The following SLC7A5 variants were observed in gnomAD, a reference collection of about 807,000 sequenced individuals.
SLC7A5 encodes the protein large neutral amino acids transporter small subunit 1.
A neutral mutation model predicts 50.2 loss-of-function variants in SLC7A5; 23 were observed. The observed-to-expected ratio is 0.46, with a 90% CI of 0.33 to 0.65. The LOEUF is 0.65. Ranked by LOEUF, SLC7A5 falls within the 30% of genes least tolerant of loss-of-function variation. The pLI, the probability that SLC7A5 is intolerant of heterozygous loss-of-function variation, is 0.02. For missense variants in SLC7A5, 578 were observed against 684.4 expected (o/e 0.84, Z 1.73); for synonymous variants, 393 against 330.6 (o/e 1.19, Z -2.05).
intron 2 of SLC7A5, among the ~76,000 whole-genome samples, chr16:87,846,793 C>A (rs1317488159): frequency 2.6e-5 from 4 of 152,244 alleles, no homozygotes; most frequent in African/African-American, 9.6e-5. Flanking sequence ...CTTGCTGTCA[C>A]CCCCGGAGAA....
chr16:87,835,168 T>C (rs534910278), intron 8 of SLC7A5, among the ~76,000 whole-genome samples: 81 of 152,370 alleles, frequency 5.3e-4, no homozygotes, highest in Non-Finnish European at 1.0e-3. Context: ...GAATCCATAC[T>C]TGGACAGGGC....
At chr16:87,845,774 A>G (rs1834501630) in intron 2 of SLC7A5, among the ~76,000 whole-genome samples, 1 of 152,172 alleles carries the variant, frequency 6.6e-6, no homozygotes, top group South Asian at 2.1e-4. Context: ...AGCTTTTTCC[A>G]ACTCCACAGG....
In SLC7A5 at chr16:87,841,572, C is replaced by A. The variant is rs939891833; in HGVS notation, c.665-417G>T. On this transcript the variant is annotated intron_variant, in intron 2 of 9. Coordinates refer to ENST00000261622, the MANE Select transcript of SLC7A5 (RefSeq NM_003486.7). This position sits in a 1 kb window ranked among gnomAD's most constrained non-coding sequence, Gnocchi z 4.8. Reference sequence around the variant, plus strand: ...ATCCTGGCTACGGCAACAAGGAAGGCCCAGAGCCACTAGGGCCCTGCTTCT... The same window carrying A: ...ATCCTGGCTACGGCAACAAGGAAGGACCAGAGCCACTAGGGCCCTGCTTCT... Among the ~76,000 whole-genome samples, 1 of 152,238 alleles carries A rather than the reference C, an allele frequency of 6.6e-6. No homozygotes were observed. The highest frequency in any genetic ancestry group is 6.5e-5 in the Admixed American group (1 of 15,280).
intron 1 of SLC7A5, among the ~76,000 whole-genome samples, chr16:87,866,888 G>A (rs1425770713): frequency 2.6e-5 from 4 of 151,898 alleles, no homozygotes; most frequent in African/African-American, 9.7e-5. Flanking sequence ...CATTTCCCAC[G>A]ACTCACTCCT....
intron 1 of SLC7A5, among the ~76,000 whole-genome samples, chr16:87,866,103 GC>G (rs1430680666): frequency 6.6e-6 from 1 of 152,116 alleles, no homozygotes; most frequent in Non-Finnish European, 1.5e-5. Context: ...CTATGGGGGG[GC>G]GGGGGTGCGG....
At position 87,834,523 on chromosome 16, in the gene SLC7A5, C is replaced by T; in HGVS notation, c.1359G>A (p.Lys453=). The T allele has an allele frequency of 8.1e-6, 13 of 1,597,658 alleles. No individual in the cohort carries two copies. The highest frequency in any genetic ancestry group is 1.0e-5 in the Non-Finnish European group (12 of 1,173,538). The part of the protein sequence containing the change: ...CLFLIAVSFW[K]TPVECGIGFT... ...AGCCGATGCCACACTCCACGGGTGT[C>T]TTCCAGAAGGAGACGGCGATCAGGA... Residue 453 remains lysine (K), a synonymous_variant, in exon 9 of 10, where the codon AAG becomes AAA. Transcript: ENST00000261622.
Position 87,869,071 on chromosome 16 carries a change from C to A in SLC7A5, c.352G>T (p.Ala118Ser). The A allele has an allele frequency of 6.2e-7, 1 of 1,611,890 alleles. No homozygotes were observed. The highest frequency in any genetic ancestry group is 8.5e-7 in the Non-Finnish European group (1 of 1,179,804). Reference sequence around the variant, plus strand: ...GAGCCGTAGACCTCCAGCATGTAGGCGTAGTCGCCGCCCGATTTGGAGATG... The same window carrying A: ...GAGCCGTAGACCTCCAGCATGTAGGAGTAGTCGCCGCCCGATTTGGAGATG... ...TTISKSGGDYAYMLEVYGSLP... is the reference protein window; with the variant it reads ...TTISKSGGDYSYMLEVYGSLP... The change falls in exon 1 of 10, where the codon GCC (alanine) becomes TCC (serine). Residue 118 changes from alanine (A) to serine (S), a missense_variant. Physicochemically the swap from Ala to Ser is moderately conservative, Grantham distance 99. This residue lies in a region of SLC7A5 where 465 missense variants were observed against 594.6 expected (regional missense o/e 0.78). Coordinates refer to ENST00000261622, the MANE Select transcript of SLC7A5 (RefSeq NM_003486.7).
rs372601345 is a variant in SLC7A5 at position 87,861,200 on chromosome 16, G to C, written c.538+7685C>G. Among the ~76,000 whole-genome samples the C allele has an allele frequency of 9.8e-5, 15 of 152,298 alleles. No individual in the cohort carries two copies. In the East Asian group the frequency reaches 1.5e-3, roughly 16 times the overall value. ...TGCTCCAGGGAGGGCCAGGCCTACT[G>C]GGGGGCAGAACCCTGTGGCTGTCCA... On this transcript the variant is annotated intron_variant, in intron 1 of 9. Transcript: ENST00000261622. This position sits in a 1 kb window ranked among gnomAD's most constrained non-coding sequence, Gnocchi z 4.2.
intron 1 of SLC7A5, among the ~76,000 whole-genome samples, chr16:87,855,955 C>T (rs1283728705): frequency 2.6e-5 from 4 of 152,324 alleles, no homozygotes; most frequent in Non-Finnish European, 1.5e-5. Context: ...GCTCCCTGGG[C>T]CGCCGGTCCT....
chr16:87,849,905 G>A (rs1433463826), intron 2 of SLC7A5, among the ~76,000 whole-genome samples: 2 of 152,146 alleles, frequency 1.3e-5, no homozygotes, highest in African/African-American at 2.4e-5. Flanking sequence ...GAGCCACCTG[G>A]GAATCAAGTG....
At chr16:87,834,992 G>A (rs1426721291) in intron 8 of SLC7A5, among the ~76,000 whole-genome samples, 3 of 152,236 alleles carry the variant, frequency 2.0e-5, no homozygotes, top group African/African-American at 7.2e-5. Flanking sequence ...TCTTGGAGAC[G>A]CCGCTGTGGA....
At position 87,868,929 on chromosome 16, in the gene SLC7A5, G is replaced by A. The variant is rs771592683; in HGVS notation, c.494C>T (p.Pro165Leu). 6.2e-7 allele frequency: 1 copy of A among 1,610,150 alleles called. No homozygotes were observed. Among genetic ancestry groups the A allele is most frequent in the South Asian group, 1.1e-5 (1 of 90,844 alleles). ...GAGCTTGGCTGCCTCCTCGGGCACC[G>A]GGCAGGTGGGGAAGAGCGGCTTGAG... ...YLLKPLFPTCPVPEEAAKLVA... is the reference protein window; with the variant it reads ...YLLKPLFPTCLVPEEAAKLVA... The change falls in exon 1 of 10, where the codon CCG becomes CTG. Residue 165 changes from proline (P) to leucine (L), a missense_variant. Physicochemically the swap from Pro to Leu is moderately conservative, Grantham distance 98 (BLOSUM62 -3). Around this residue, in one of 2 missense-constraint regions of SLC7A5, gnomAD observed 465 missense variants for 594.6 expected, o/e 0.78. Transcript: ENST00000261622.
chr16:87,859,061 G>A, intron 1 of SLC7A5, among the ~76,000 whole-genome samples: 1 of 152,224 alleles, frequency 6.6e-6, no homozygotes. Context: ...CCCCTCACCT[G>A]TCAGGGATGT....
Position 87,851,688 on chromosome 16 carries a change from G to A in SLC7A5, c.664+36C>T, listed in dbSNP as rs199601483. On this transcript the variant is annotated intron_variant, in intron 2 of 9. Transcript: ENST00000261622. ...GTGAAGGACACACAGGCAAAGCCTC[G>A]AGGGGCCGCCGGTGGGGCCTGGGGG... The A allele has an allele frequency of 1.3e-3, 2,145 of 1,602,998 alleles. 2 individuals carry two copies. The highest frequency in any genetic ancestry group is 1.6e-3 in the Non-Finnish European group (1,850 of 1,172,088).
chr16:87,860,383 CACACACACACA>C lies in SLC7A5; in HGVS notation c.538+8491_538+8501del, dbSNP rs2055380101. On this transcript the variant is annotated intron_variant, in intron 1 of 9. Coordinates refer to ENST00000261622, the MANE Select transcript of SLC7A5 (RefSeq NM_003486.7). The surrounding 1 kb of genome is among the most constrained non-coding windows in gnomAD (Gnocchi z 4.8). ...ACACACACACACACACACACACACA[CACACACACACA>C]CACACATATATATATAAAGAAAAAG... Among the ~76,000 whole-genome samples the C allele has an allele frequency of 7.4e-6, 1 of 134,656 alleles. No individual in the cohort carries two copies. 88.3% of individuals were successfully genotyped at this position (134,656 alleles called of 152,430 possible). A position where few individuals can be genotyped will look rare whatever the true frequency, so the allele number is the denominator to read the frequency against.
In SLC7A5 at chr16:87,861,188, G is replaced by A. The variant is rs527677908; in HGVS notation, c.538+7697C>T. 6.6e-6 allele frequency among the ~76,000 whole-genome samples: 1 copy of A among 152,192 alleles called. No individual in the cohort carries two copies. The highest frequency in any genetic ancestry group is 2.4e-5 in the African/African-American group (1 of 41,456). On this transcript the variant is annotated intron_variant, in intron 1 of 9. Coordinates refer to ENST00000261622, the MANE Select transcript of SLC7A5 (RefSeq NM_003486.7). The surrounding 1 kb of genome is among the most constrained non-coding windows in gnomAD (Gnocchi z 4.2). The stretch of plus-strand genomic sequence containing the variant: ...CTATCCAGGTGATGCTCCAGGGAGG[G>A]CCAGGCCTACTGGGGGGCAGAACCC...
intron 2 of SLC7A5, among the ~76,000 whole-genome samples, chr16:87,848,787 T>C (rs1025905638): frequency 1.3e-5 from 2 of 152,218 alleles, no homozygotes; most frequent in African/African-American, 2.4e-5. Context: ...GGTCCCCCCA[T>C]GAGCTCTGGA....
At chr16:87,866,049 C>T (rs113342377) in intron 1 of SLC7A5, among the ~76,000 whole-genome samples, 1 of 151,752 alleles carries the variant, frequency 6.6e-6, no homozygotes. Flanking sequence ...ACCCTTTTCC[C>T]ATTTGCACAA....
At chr16:87,855,670 T>A (rs1056379670) in intron 1 of SLC7A5, among the ~76,000 whole-genome samples, 2 of 151,856 alleles carry the variant, frequency 1.3e-5, no homozygotes, top group Admixed American at 1.3e-4. Flanking sequence ...CAGCTCCTGA[T>A]AAAATCCCGC....
Sources: allele counts gnomAD v4.1 joint callset (sites outside exome capture counted in the v4.1 genomes callset), GRCh38; gene constraint gnomAD v4.1.1; regional missense constraint gnomAD v4.1.1; non-coding constraint Gnocchi (gnomAD v3.1); transcripts MANE v1.5; gene names NCBI Gene and HGNC (gene_info 2026-07-23, HGNC 2026-07-21).